Variants in KCNK2 observed in about 807,000 individuals in gnomAD.
The protein encoded by KCNK2 is potassium channel subfamily K member 2.
A neutral mutation model predicts 40.5 loss-of-function variants in KCNK2; 21 were observed. The observed-to-expected ratio is 0.52, with a 90% confidence interval of 0.37 to 0.75. The LOEUF (loss-of-function observed/expected upper bound fraction) is 0.75, where lower values mean the gene tolerates loss of function less well. KCNK2 is among the 30% of genes least tolerant of loss of function. The pLI is 0.00. For missense variants in KCNK2, 399 were observed against 531.6 expected (o/e 0.75, Z 2.45); for synonymous variants, 191 against 202.2 (o/e 0.94, Z 0.47).
chr1:215,161,910 A>G (rs1030542967), intron 3 of KCNK2, among the ~76,000 whole-genome samples: 19 of 152,224 alleles, frequency 1.2e-4, no homozygotes, highest in African/African-American at 4.6e-4. Flanking sequence ...TCTTTATTGT[A>G]GAATGATTTA....
At chr1:215,120,773 A>C (rs1661156811) in intron 2 of KCNK2, among the ~76,000 whole-genome samples, 1 of 152,228 alleles carries the variant, frequency 6.6e-6, no homozygotes. Context: ...TGTATGAACC[A>C]ATAACTTTAT....
intron 1 of KCNK2, 99 bp from the exon 2 acceptor site, chr1:215,086,269 G>A (rs2102530142): frequency 1.0e-6 from 1 of 960,206 alleles, no homozygotes; most frequent in South Asian, 1.6e-5. Flanking sequence ...AGGAGAGCGA[G>A]CGGAATTCAA....
chr1:215,194,174 G>C (rs995376106), intron 5 of KCNK2, among the ~76,000 whole-genome samples: 3 of 151,988 alleles, frequency 2.0e-5, no homozygotes, highest in Admixed American at 6.6e-5. Context: ...ATATTAATGG[G>C]GTACTAAACA....
At chr1:215,164,252 G>T (rs1440228809) in intron 3 of KCNK2, among the ~76,000 whole-genome samples, 1 of 152,116 alleles carries the variant, frequency 6.6e-6, no homozygotes, top group Non-Finnish European at 1.5e-5. Flanking sequence ...GTTTCTGTGG[G>T]ATCAGTGGTG....
chr1:215,225,731 G>C (rs1218145391), intron 6 of KCNK2, among the ~76,000 whole-genome samples: 1 of 152,292 alleles, frequency 6.6e-6, no homozygotes, highest in Non-Finnish European at 1.5e-5. Flanking sequence ...CATAGTCTCT[G>C]TCATTAACTT....
rs1177103370 is a variant in KCNK2, at chr1:215,194,941, T to C, written c.824-12T>C. The C allele has an allele frequency of 6.2e-7, 1 of 1,611,914 alleles. No homozygotes were observed. The highest frequency in any genetic ancestry group is 1.3e-5 in the African/African-American group (1 of 74,964). ...TATGAAGTTATTTTGTTTTACTTTG[T>C]TTTGTCTCCAGGTGGATCCGATATT... On this transcript the variant is annotated splice_polypyrimidine_tract_variant and intron_variant, in intron 5 of 6. Transcript: ENST00000444842.
At chr1:215,229,902 T>C (rs938113532) in intron 6 of KCNK2, among the ~76,000 whole-genome samples, 3 of 151,692 alleles carry the variant, frequency 2.0e-5, no homozygotes, top group Non-Finnish European at 2.9e-5. Flanking sequence ...GCCTTAGAAG[T>C]AATAAATAAT....
chr1:215,130,395 T>G (rs951764978), intron 3 of KCNK2, among the ~76,000 whole-genome samples: 2 of 152,178 alleles, frequency 1.3e-5, no homozygotes, highest in Non-Finnish European at 2.9e-5. Flanking sequence ...ATTATATCCT[T>G]TATGATAGAC....
At chr1:215,219,891 A>G (rs1218875815) in intron 6 of KCNK2, among the ~76,000 whole-genome samples, 1 of 152,192 alleles carries the variant, frequency 6.6e-6, no homozygotes, top group Non-Finnish European at 1.5e-5. Flanking sequence ...GCATATCCCC[A>G]TTATTCCTTG....
At chr1:215,148,992 A>T (rs370178111) in intron 3 of KCNK2, among the ~76,000 whole-genome samples, 1 of 152,192 alleles carries the variant, frequency 6.6e-6, no homozygotes, top group Non-Finnish European at 1.5e-5. Flanking sequence ...GAGCAATGGT[A>T]CACCGGGGAG....
At chr1:215,138,095 G>A (rs2363554) in intron 3 of KCNK2, among the ~76,000 whole-genome samples, 86,358 of 152,086 alleles carry the variant, frequency 0.57, 26,503 homozygotes, top group Non-Finnish European at 0.68. Context: ...TATTAGAAAC[G>A]TAGTAACATG....
intron 1 of KCNK2, among the ~76,000 whole-genome samples, chr1:215,039,706 C>T (rs925407883): frequency 4.6e-5 from 7 of 151,944 alleles, no homozygotes; most frequent in African/African-American, 1.7e-4. Context: ...CTTTAAATTC[C>T]CTTTCTACAA....
intron 1 of KCNK2, among the ~76,000 whole-genome samples, chr1:215,046,779 G>T (rs72731089): frequency 6.6e-6 from 1 of 152,012 alleles, no homozygotes; most frequent in Non-Finnish European, 1.5e-5. Flanking sequence ...CTTTACCATG[G>T]GATATGAGTT....
intron 1 of KCNK2, among the ~76,000 whole-genome samples, chr1:215,056,115 C>G (rs1206075547): frequency 1.3e-5 from 2 of 151,972 alleles, no homozygotes; most frequent in Admixed American, 6.6e-5. Flanking sequence ...TCGAGACCAG[C>G]CTGACCAAGA....
intron 1 of KCNK2, among the ~76,000 whole-genome samples, chr1:215,037,933 G>GGATATACCTAAGGTATATCTTGA (rs1407285056): frequency 1.3e-5 from 2 of 151,492 alleles, no homozygotes; most frequent in Non-Finnish European, 2.9e-5. Flanking sequence ...ATATCCTTTA[G>GGATATACCTAAGGTATATCTTGA]GATATACCTA....
At chr1:215,065,221 C>T (rs1255420846) in intron 1 of KCNK2, among the ~76,000 whole-genome samples, 1 of 152,056 alleles carries the variant, frequency 6.6e-6, no homozygotes, top group East Asian at 1.9e-4. Flanking sequence ...TTTGTAGAAG[C>T]CCTGAGATAA....
At chr1:215,083,520 C>A in intron 1 of KCNK2, 89 bp downstream of exon 1, 1 of 942,078 alleles carries the variant, frequency 1.1e-6, no homozygotes, top group Non-Finnish European at 1.7e-6. Flanking sequence ...TGCCCCCTCT[C>A]AGCAAGCGGC....
intron 1 of KCNK2, among the ~76,000 whole-genome samples, chr1:215,084,597 C>T (rs1026040396): frequency 3.3e-5 from 5 of 152,142 alleles, no homozygotes; most frequent in African/African-American, 1.2e-4. Context: ...TCCATTTTAA[C>T]AGTTTTTTTT....
At chr1:215,035,702 T>C (rs1455227930) in intron 1 of KCNK2, among the ~76,000 whole-genome samples, 3 of 152,060 alleles carry the variant, frequency 2.0e-5, no homozygotes, top group Non-Finnish European at 4.4e-5. Context: ...CCATAAACAT[T>C]TGTGGGCAAG....
Sources: allele counts gnomAD v4.1 joint callset (sites outside exome capture counted in the v4.1 genomes callset), GRCh38; gene constraint gnomAD v4.1.1; transcripts MANE v1.5; gene names NCBI Gene and HGNC (gene_info 2026-07-23, HGNC 2026-07-21).